Variants in REST observed in about 807,000 individuals in gnomAD.
REST encodes the protein RE1 silencing transcription factor.
A neutral mutation model predicts 30.4 loss-of-function variants in REST; 1 was observed. That is an observed-to-expected ratio of 0.03 (90% CI 0.01 to 0.16). The LOEUF is 0.16. REST is among the 10% of genes least tolerant of loss of function. REST has a pLI of 1.00. For synonymous variants in REST, 504 were observed against 451.1 expected, an observed-to-expected ratio of 1.12 and a Z score of -1.49; for missense variants, 1,259 against 1,329.5, an observed-to-expected ratio of 0.95 and a Z score of 0.82.
At chr4:56,913,864 A>T (rs11730525) in intron 2 of REST, among the ~76,000 whole-genome samples, 54,660 of 151,848 alleles carry the variant, frequency 0.36, 10,096 homozygotes, top group Middle Eastern at 0.49. Flanking sequence ...TGGCCAGGCT[A>T]GTCTCGAACT....
At position 56,931,642 on chromosome 4, in the gene REST, G is replaced by T; in HGVS notation, c.2784G>T (p.Thr928=). 6.2e-7 allele frequency: 1 copy of T among 1,614,192 alleles called. No individual in the cohort carries two copies. Among genetic ancestry groups the T allele is most frequent in the Non-Finnish European group, 8.5e-7 (1 of 1,180,030 alleles). The change falls in exon 4 of 4, where the codon ACG becomes ACT. Residue 928 remains threonine (T), a synonymous_variant. Transcript: ENST00000309042. Reference sequence around the variant, plus strand: ...CATCCTCTGGACAAAACTTGAATACGCCAGAGGGTGAAACTTTAAATGGTA... The same window carrying T: ...CATCCTCTGGACAAAACTTGAATACTCCAGAGGGTGAAACTTTAAATGGTA... ...HISSSGQNLN[T]PEGETLNGKH... is the part of the protein sequence containing the mutation.
rs1721025439 is a variant in REST, at chr4:56,932,899, T to C, written c.*747T>C. 1 of 152,196 alleles carries C rather than the reference T, an allele frequency of 6.6e-6. No individual in the cohort carries two copies. The highest frequency in any genetic ancestry group is 1.5e-5 in the Non-Finnish European group (1 of 68,040). The allele number at this position is 152,196 out of a possible 1,614,324, so 9.4% of individuals were successfully genotyped here. A position where few individuals can be genotyped will look rare whatever the true frequency, so the allele number is the denominator to read the frequency against. ...TACATATATATATGCATGTTTATTT[T>C]GTTTGGCGTCTTTGGAGGGATGCTT... is the stretch of plus-strand genomic sequence containing the variant. On this transcript the variant is annotated 3_prime_UTR_variant, in exon 4 of 4. Transcript: ENST00000309042.
In REST at chr4:56,919,735, A is replaced by G. The variant is rs375036131; in HGVS notation, c.899-52A>G. The G allele has an allele frequency of 9.7e-5, 106 of 1,094,144 alleles. No homozygotes were observed. In the African/African-American group the frequency reaches 1.5e-3, roughly 15 times the overall value. 67.8% of individuals were successfully genotyped at this position (1,094,144 alleles called of 1,614,324 possible). A position where few individuals can be genotyped will look rare whatever the true frequency, so the allele number is the denominator to read the frequency against. On this transcript the variant is annotated intron_variant, in intron 2 of 3. Transcript: ENST00000309042. ...TTGTTGCATTGTTAGTGAGAATTGT[A>G]TTTGGCTATTTCGTGACATTTAAAC... is the stretch of plus-strand genomic sequence containing the variant.
chr4:56,911,243 G>C lies in REST; in HGVS notation c.605G>C (p.Gly202Ala), dbSNP rs1432826392. The change falls in exon 2 of 4, where the codon GGC (glycine) becomes GCC (alanine). Residue 202 changes from glycine (G) to alanine (A), a missense_variant. Physicochemically the swap from Gly to Ala is moderately conservative, Grantham distance 60. Coordinates refer to ENST00000309042, the MANE Select transcript of REST (RefSeq NM_005612.5). ...AAGCAGGCAAAAGCCAGGGAATCTG[G>C]CTCTTCCACTGCAGAAGAGGGAGAT... is the stretch of plus-strand genomic sequence containing the variant. The part of the protein sequence containing the change: ...AEKQAKARES[G>A]SSTAEEGDFS... 2 of 1,614,038 alleles carry C rather than the reference G, an allele frequency of 1.2e-6. No individual in the cohort carries two copies. The highest frequency in any genetic ancestry group is 1.7e-6 in the Non-Finnish European group (2 of 1,180,044).
At chr4:56,929,815 C>A (rs377105898) in intron 3 of REST, 26 bp from the exon 4 acceptor site, 3 of 1,568,908 alleles carry the variant, frequency 1.9e-6, no homozygotes, top group Non-Finnish European at 2.6e-6. Context: ...TCTATGTCTT[C>A]TCTCATACTT....
chr4:56,926,039 G>T (rs1395604897), intron 3 of REST, among the ~76,000 whole-genome samples: 1 of 152,140 alleles, frequency 6.6e-6, no homozygotes, highest in East Asian at 1.9e-4. Context: ...AGGAAAGACA[G>T]GATACGTAAG....
At chr4:56,913,543 T>C (rs958437983) in intron 2 of REST, among the ~76,000 whole-genome samples, 2 of 152,124 alleles carry the variant, frequency 1.3e-5, no homozygotes, top group African/African-American at 2.4e-5. Flanking sequence ...TTGCCTCAGG[T>C]CTCCTCTTAC....
chr4:56,915,472 C>G (rs1375012149), intron 2 of REST, among the ~76,000 whole-genome samples: 1 of 151,868 alleles, frequency 6.6e-6, no homozygotes, highest in African/African-American at 2.4e-5. Context: ...CTGGTCTCGA[C>G]CTCCTGACCT....
intron 2 of REST, among the ~76,000 whole-genome samples, chr4:56,911,813 T>G (rs1719932371): frequency 6.6e-6 from 1 of 152,200 alleles, no homozygotes; most frequent in African/African-American, 2.4e-5. Context: ...ATATCCTAAC[T>G]TGGGGTTTAC....
At chr4:56,926,623 C>T (rs1008152045) in intron 3 of REST, among the ~76,000 whole-genome samples, 4 of 151,840 alleles carry the variant, frequency 2.6e-5, no homozygotes, top group Non-Finnish European at 5.9e-5. Flanking sequence ...GGACTACAGG[C>T]GTGACCCACC....
chr4:56,922,195 A>G (rs1720482489), intron 3 of REST: 1 of 151,784 alleles, frequency 6.6e-6, no homozygotes. Flanking sequence ...GGTAATGTGG[A>G]TGCAATTTCA....
chr4:56,931,566 A>C lies in REST; in HGVS notation c.2708A>C (p.Asp903Ala). The C allele has an allele frequency of 6.2e-7, 1 of 1,614,262 alleles. No homozygotes were observed. The highest frequency in any genetic ancestry group is 8.5e-7 in the Non-Finnish European group (1 of 1,180,042). The part of the protein sequence containing the change: ...PLQKVGAEEA[D>A]ESLPGLAANI... ...CAGAAAGTAGGAGCAGAAGAGGCAGATGAGAGCCTACCTGGTCTTGCTGCT... is the reference window on the plus strand; with the variant it reads ...CAGAAAGTAGGAGCAGAAGAGGCAGCTGAGAGCCTACCTGGTCTTGCTGCT... The change falls in exon 4 of 4, where the codon GAT becomes GCT. Residue 903 changes from aspartate to alanine, a missense_variant. Asp to Ala is a moderately radical substitution (Grantham distance 126). Transcript: ENST00000309042.
rs1332801217 is a variant in REST, at chr4:56,935,579, T to C, written c.*3427T>C. 1 of 152,250 alleles carries C rather than the reference T, an allele frequency of 6.6e-6. No homozygotes were observed. The highest frequency in any genetic ancestry group is 2.4e-5 in the African/African-American group (1 of 41,470). 9.4% of individuals were successfully genotyped at this position (152,250 alleles called of 1,614,324 possible). On this transcript the variant is annotated 3_prime_UTR_variant, in exon 4 of 4. Transcript: ENST00000309042. ...AATTTTATAAACTTAAGCAGTGCAA[T>C]ACGTGTTACTTTTCTGAGGCAAACC...
In REST at chr4:56,931,489, A is replaced by G; in HGVS notation, c.2631A>G (p.Ser877=). The part of the protein sequence containing the change: ...LPKENLREEA[S]GDQKLLNTGE... The stretch of plus-strand genomic sequence containing the variant: ...AGGAAAATTTAAGAGAAGAGGCATC[A>G]GGAGACCAAAAATTACTCAACACAG... Residue 877 remains serine (S), a synonymous_variant, in exon 4 of 4, where the codon TCA becomes TCG. Coordinates refer to ENST00000309042, the MANE Select transcript of REST (RefSeq NM_005612.5). 6.2e-7 allele frequency: 1 copy of G among 1,614,206 alleles called. No individual in the cohort carries two copies. The highest frequency in any genetic ancestry group is 8.5e-7 in the Non-Finnish European group (1 of 1,180,042).
intron 2 of REST, among the ~76,000 whole-genome samples, chr4:56,917,231 A>G (rs569036603): frequency 6.6e-6 from 1 of 152,352 alleles, no homozygotes; most frequent in African/African-American, 2.4e-5. Context: ...TTCTGTTGCT[A>G]CCAACTCTTT....
chr4:56,913,917 T>C (rs1720048569), intron 2 of REST, among the ~76,000 whole-genome samples: 1 of 152,076 alleles, frequency 6.6e-6, no homozygotes, highest in Non-Finnish European at 1.5e-5. Context: ...GTGCTGGGAT[T>C]ACAGGCGTGA....
rs770719504 is a variant in REST at position 56,930,929 on chromosome 4, A to G, written c.2071A>G (p.Met691Val). The G allele has an allele frequency of 1.9e-6, 3 of 1,613,672 alleles. No homozygotes were observed. The highest frequency in any genetic ancestry group is 1.7e-5 in the Admixed American group (1 of 59,994). ...TGCTCACATGGAGCTGCCTCCTCCC[A>G]TGGAGACTGCTCAGACGGAGGTTGC... The part of the protein sequence containing the change: ...VLAHMELPPP[M>V]ETAQTEVAQM... The change falls in exon 4 of 4, where the codon ATG (methionine) becomes GTG (valine). Residue 691 changes from methionine to valine, a missense_variant. Coordinates refer to ENST00000309042, the MANE Select transcript of REST (RefSeq NM_005612.5).
chr4:56,925,033 C>T (rs1720623858), intron 3 of REST, among the ~76,000 whole-genome samples: 4 of 151,784 alleles, frequency 2.6e-5, no homozygotes, highest in South Asian at 2.1e-4. Flanking sequence ...GGCATGATGG[C>T]GGGTGCCTGT....
chr4:56,919,766 TATATTATTG>T lies in REST; in HGVS notation c.899-19_899-11del, dbSNP rs1553903006. 1 of 1,503,986 alleles carries T rather than the reference TATATTATTG, an allele frequency of 6.6e-7. No homozygotes were observed. The highest frequency in any genetic ancestry group is 9.2e-7 in the Non-Finnish European group (1 of 1,083,514). 93.2% of individuals were successfully genotyped at this position (1,503,986 alleles called of 1,614,324 possible). A position where few individuals can be genotyped will look rare whatever the true frequency, so the allele number is the denominator to read the frequency against. On this transcript the variant is annotated splice_polypyrimidine_tract_variant and intron_variant, in intron 2 of 3. Coordinates refer to ENST00000309042, the MANE Select transcript of REST (RefSeq NM_005612.5). ...CTATTTCGTGACATTTAAACACTCT[TATATTATTG>T]AAATTTTGCAGGAGAACGCCCATAT...
Sources: gnomAD v4.1 joint callset for allele counts (sites outside exome capture counted in the v4.1 genomes callset) on GRCh38, gnomAD v4.1.1 for gene constraint, MANE v1.5 for transcripts, NCBI Gene and HGNC (gene_info 2026-07-23, HGNC 2026-07-21) for gene names.